The following POLR3E variants were observed in gnomAD, a reference collection of about 807,000 sequenced individuals.
The protein encoded by POLR3E is RNA polymerase III subunit E.
Under a neutral mutation model 96.6 loss-of-function variants are expected in POLR3E, and 41 were observed. The observed-to-expected ratio is 0.42, with a 90% confidence interval of 0.33 to 0.55. POLR3E has a LOEUF of 0.55. POLR3E is among the 20% of genes least tolerant of loss of function. The pLI is 0.06. For missense variants in POLR3E, 849 were observed against 952.1 expected, an observed-to-expected ratio of 0.89 and a Z score of 1.43; for synonymous variants, 396 against 383.6, an observed-to-expected ratio of 1.03 and a Z score of -0.38.
chr16:22,332,617 C>T (rs1361130246), intron 20 of POLR3E, among the ~76,000 whole-genome samples: 1 of 152,148 alleles, frequency 6.6e-6, no homozygotes, highest in African/African-American at 2.4e-5. Flanking sequence ...TAGGCGTCTT[C>T]TAAAATGATA....
Position 22,334,456 on chromosome 16 carries a change from T to C in POLR3E, c.*756T>C, listed in dbSNP as rs565385163. ...ACACTAAACTAGCATCATGGTGCTA[T>C]CTTCAAATGGTTACAGGAAGGCGAT... is the stretch of plus-strand genomic sequence containing the variant. On this transcript the variant is annotated 3_prime_UTR_variant, in exon 21 of 21. Coordinates refer to ENST00000299853, the MANE Select transcript of POLR3E (RefSeq NM_018119.4). 2.0e-5 allele frequency: 3 copies of C among 152,340 alleles called. No homozygotes were observed. The highest frequency in any genetic ancestry group is 4.8e-5 in the African/African-American group (2 of 41,572). The allele number at this position is 152,340 out of a possible 1,614,324, so 9.4% of individuals were successfully genotyped here. A position where few individuals can be genotyped will look rare whatever the true frequency, so the allele number is the denominator to read the frequency against.
At chr16:22,327,615 T>A (rs2048629826) in intron 18 of POLR3E, 1 of 152,184 alleles carries the variant, frequency 6.6e-6, no homozygotes, top group Non-Finnish European at 1.5e-5. Flanking sequence ...AAGGAGACTG[T>A]ATTGTAGTCA....
chr16:22,307,712 C>T (rs2048162129), intron 3 of POLR3E, among the ~76,000 whole-genome samples: 1 of 152,234 alleles, frequency 6.6e-6, no homozygotes, highest in South Asian at 2.1e-4. Context: ...CAGCAGTGAG[C>T]AGCACGTGCC....
chr16:22,324,779 G>T, intron 16 of POLR3E, 119 bp downstream of exon 16: 1 of 1,141,558 alleles, frequency 8.8e-7, no homozygotes, highest in Non-Finnish European at 1.3e-6. Context: ...GGAGAGCGCA[G>T]TTGGGCTGGA....
chr16:22,324,255 TC>T, intron 14 of POLR3E, 98 bp from the exon 15 acceptor site: 1 of 936,520 alleles, frequency 1.1e-6, no homozygotes, highest in Non-Finnish European at 1.7e-6. Flanking sequence ...CCTAGGACTG[TC>T]CCAGGCTCCA....
At chr16:22,311,885 G>A (rs183636476) in intron 6 of POLR3E, among the ~76,000 whole-genome samples, 2 of 152,282 alleles carry the variant, frequency 1.3e-5, no homozygotes, top group African/African-American at 2.4e-5. Context: ...TAGCCTGGGA[G>A]CAATAGGCCA....
At chr16:22,311,908 G>A (rs547461218) in intron 6 of POLR3E, among the ~76,000 whole-genome samples, 14 of 152,282 alleles carry the variant, frequency 9.2e-5, no homozygotes, top group Non-Finnish European at 1.5e-4. Context: ...CCATAGAGCC[G>A]AGGCGTGTAG....
chr16:22,324,729 C>A, intron 16 of POLR3E, 69 bp downstream of exon 16: 2 of 1,526,468 alleles, frequency 1.3e-6, no homozygotes, highest in Non-Finnish European at 1.8e-6. Context: ...GGAGCACTGT[C>A]AGGGTGGATC....
intron 2 of POLR3E, among the ~76,000 whole-genome samples, chr16:22,303,871 G>C (rs985448441): frequency 2.1e-5 from 3 of 144,490 alleles, no homozygotes; most frequent in Non-Finnish European, 4.5e-5. Context: ...GAGTGCAGTA[G>C]TGTTATCTTG....
At chr16:22,316,475 G>A (rs565201667) in intron 9 of POLR3E, 126 bp from the exon 10 acceptor site, 5 of 687,270 alleles carry the variant, frequency 7.3e-6, no homozygotes, top group Admixed American at 2.5e-5. Flanking sequence ...CTTGGGTGCC[G>A]TGCTCAGGAG....
chr16:22,328,872 T>C, intron 19 of POLR3E: 1 of 355,142 alleles, frequency 2.8e-6, no homozygotes, highest in Non-Finnish European at 5.4e-6. Context: ...ACGCCTGTAA[T>C]CCCAGCACTT....
In POLR3E at chr16:22,302,959, C is replaced by G. The variant is rs149111360; in HGVS notation, c.-10C>G. On this transcript the variant is annotated 5_prime_UTR_variant, in exon 2 of 21. Transcript: ENST00000299853. Reference sequence around the variant, plus strand: ...GAGCTGAAGGACTGCGCGGCTGGCTCTCCTCTAGTATGGCCAATGAAGAGG... The same window carrying G: ...GAGCTGAAGGACTGCGCGGCTGGCTGTCCTCTAGTATGGCCAATGAAGAGG... The G allele has an allele frequency of 2.0e-5, 33 of 1,613,646 alleles. No individual in the cohort carries two copies. Among genetic ancestry groups the G allele is most frequent in the Middle Eastern group, 1.7e-4 (1 of 6,060 alleles).
intron 6 of POLR3E, among the ~76,000 whole-genome samples, chr16:22,310,975 T>G (rs2048233477): frequency 6.6e-6 from 1 of 152,220 alleles, no homozygotes; most frequent in South Asian, 2.1e-4. Context: ...TTTATTGATT[T>G]ATTTTTTGGA....
At chr16:22,300,927 T>C (rs1269223473) in intron 1 of POLR3E, among the ~76,000 whole-genome samples, 4 of 152,064 alleles carry the variant, frequency 2.6e-5, no homozygotes, top group Non-Finnish European at 4.4e-5. Flanking sequence ...GACCAAAATC[T>C]CTGCCTTCAC....
In POLR3E at chr16:22,332,579, T is replaced by C. The variant is rs550599942; in HGVS notation, c.2070+394T>C. 2.4e-4 allele frequency among the ~76,000 whole-genome samples: 37 copies of C among 152,146 alleles called. 1 individual carries two copies. The East Asian group carries it at 7.0e-3, about 29-fold the overall frequency. On this transcript the variant is annotated intron_variant, in intron 20 of 20. Coordinates refer to ENST00000299853, the MANE Select transcript of POLR3E (RefSeq NM_018119.4). ...AAAACAATAGAACAACAAAAAAATATGGTAGGTTGGATGAGCTTGGCAGTG... is the reference window on the plus strand; with the variant it reads ...AAAACAATAGAACAACAAAAAAATACGGTAGGTTGGATGAGCTTGGCAGTG...
intron 13 of POLR3E, among the ~76,000 whole-genome samples, chr16:22,321,662 C>G (rs1428481210): frequency 6.6e-6 from 1 of 152,258 alleles, no homozygotes; most frequent in Non-Finnish European, 1.5e-5. Flanking sequence ...CCGCAGAGCC[C>G]TGTTAAAACC....
chr16:22,315,268 G>T, intron 9 of POLR3E, 60 bp downstream of exon 9: 1 of 1,513,526 alleles, frequency 6.6e-7, no homozygotes. Context: ...GGGTCATGGT[G>T]TGGCCTCCGT....
In POLR3E at chr16:22,322,987, C is replaced by T. The variant is rs763419046; in HGVS notation, c.1068+56C>T. On this transcript the variant is annotated intron_variant, in intron 14 of 20. Coordinates refer to ENST00000299853, the MANE Select transcript of POLR3E (RefSeq NM_018119.4). This position sits in a 1 kb window ranked among gnomAD's most constrained non-coding sequence, Gnocchi z 5.2. ...TGGGGGCGTGGGAAGAGGGGGGCAG[C>T]GGTGCAGGGCTTCTGAAGACCGGGG... 1.8e-5 allele frequency: 22 copies of T among 1,226,214 alleles called. No homozygotes were observed. Among genetic ancestry groups the T allele is most frequent in the Non-Finnish European group, 2.2e-5 (19 of 846,308 alleles). The allele number at this position is 1,226,214 out of a possible 1,614,324, so 76.0% of individuals were successfully genotyped here.
intron 3 of POLR3E, 29 bp from the exon 4 acceptor site, chr16:22,308,119 G>T (rs1274113439): frequency 1.9e-6 from 3 of 1,575,684 alleles, no homozygotes; most frequent in Non-Finnish European, 2.6e-6. Flanking sequence ...TGGGCAGAGT[G>T]GACTTAATGG....
Sources: gnomAD v4.1 joint callset for allele counts (sites outside exome capture counted in the v4.1 genomes callset) on GRCh38, gnomAD v4.1.1 for gene constraint, Gnocchi (gnomAD v3.1) non-coding constraint, MANE v1.5 for transcripts, NCBI Gene and HGNC (gene_info 2026-07-23, HGNC 2026-07-21) for gene names.